CSNK2A2IP: variants seen among roughly 807,000 people sequenced by gnomAD.
The protein encoded by CSNK2A2IP is casein kinase 2 subunit alpha' interacting protein.
At chr3:88,384,378 A>AC in the CSNK2A2IP span, among the ~76,000 whole-genome samples, 37 of 132,342 alleles carry the variant, frequency 2.8e-4, no homozygotes, top group Non-Finnish European at 5.7e-4. Flanking sequence ...TAAAAAAAAA[A>AC]CAAAAAAACA....
At chr3:88,432,413 T>C in the CSNK2A2IP span, among the ~76,000 whole-genome samples, 1 of 151,822 alleles carries the variant, frequency 6.6e-6, no homozygotes, top group Non-Finnish European at 1.5e-5. Flanking sequence ...TGGCATAAAG[T>C]ATCTAATGTA....
the CSNK2A2IP span, among the ~76,000 whole-genome samples, chr3:88,340,665 TC>T: frequency 6.6e-6 from 1 of 151,966 alleles, no homozygotes; most frequent in Non-Finnish European, 1.5e-5. Context: ...TTTGGTGATT[TC>T]TTTGAGCTTT....
At chr3:88,445,275 C>CAA in the CSNK2A2IP span, among the ~76,000 whole-genome samples, 1,483 of 47,742 alleles carry the variant, frequency 0.031, 99 homozygotes, top group African/African-American at 0.1. Flanking sequence ...GTAAAAATAC[C>CAA]AAAAAAAAAA....
At chr3:88,442,610 T>A in the CSNK2A2IP span, among the ~76,000 whole-genome samples, 1 of 152,146 alleles carries the variant, frequency 6.6e-6, no homozygotes, top group Non-Finnish European at 1.5e-5. Context: ...TTTACAATTA[T>A]TTCTCAGAGC....
chr3:88,374,774 C>T, the CSNK2A2IP span, among the ~76,000 whole-genome samples: 2 of 151,660 alleles, frequency 1.3e-5, no homozygotes, highest in African/African-American at 4.8e-5. Context: ...TTCTAAAACA[C>T]ATGGGAATAC....
chr3:88,449,763 TCACGATTGTG>T, the CSNK2A2IP span, among the ~76,000 whole-genome samples: 1 of 136,402 alleles, frequency 7.3e-6, no homozygotes, highest in African/African-American at 2.7e-5. Context: ...TTTTTTCTCT[TCACGATTGTG>T]AAGAGAAAAA....
chr3:88,341,937 G>A, the CSNK2A2IP span, among the ~76,000 whole-genome samples: 1 of 151,730 alleles, frequency 6.6e-6, no homozygotes, highest in Non-Finnish European at 1.5e-5. Context: ...GATAAGCAGA[G>A]GATTATAGAA....
the CSNK2A2IP span, among the ~76,000 whole-genome samples, chr3:88,345,599 T>G: frequency 6.6e-6 from 1 of 151,872 alleles, no homozygotes. Flanking sequence ...GATCTGTGAT[T>G]AGGCCTCTTT....
chr3:88,433,681 C>T, the CSNK2A2IP span, among the ~76,000 whole-genome samples: 4 of 152,088 alleles, frequency 2.6e-5, no homozygotes, highest in South Asian at 2.1e-4. Context: ...ATAAAAGAGC[C>T]GTGGCTGCAG....
the CSNK2A2IP span, among the ~76,000 whole-genome samples, chr3:88,374,828 C>T: frequency 6.6e-6 from 1 of 151,570 alleles, no homozygotes; most frequent in Non-Finnish European, 1.5e-5. Flanking sequence ...AAAAGTAGAG[C>T]TAAAGTATAT....
chr3:88,363,511 G>C, the CSNK2A2IP span, among the ~76,000 whole-genome samples: 2 of 152,048 alleles, frequency 1.3e-5, no homozygotes, highest in African/African-American at 2.4e-5. Flanking sequence ...TTGGGGATCA[G>C]TTTCATTTTA....
At chr3:88,342,709 T>TAA in the CSNK2A2IP span, among the ~76,000 whole-genome samples, 1 of 147,982 alleles carries the variant, frequency 6.8e-6, no homozygotes, top group Non-Finnish European at 1.5e-5. Flanking sequence ...TGAGCAAGGT[T>TAA]AAAAAAAAAA....
the CSNK2A2IP span, among the ~76,000 whole-genome samples, chr3:88,357,611 G>A: frequency 6.6e-6 from 1 of 152,096 alleles, no homozygotes; most frequent in Admixed American, 6.5e-5. Context: ...TTTGATTTAT[G>A]TGAAGAACAT....
chr3:88,414,949 T>C, the CSNK2A2IP span, among the ~76,000 whole-genome samples: 2 of 151,892 alleles, frequency 1.3e-5, no homozygotes, highest in Non-Finnish European at 2.9e-5. Context: ...TGCTCAAAGA[T>C]TTCTAACTGG....
chr3:88,399,724 C>A, the CSNK2A2IP span: 1 of 152,156 alleles, frequency 6.6e-6, no homozygotes, highest in Non-Finnish European at 1.5e-5. Flanking sequence ...GCTGCCACTC[C>A]AACTACAATT....
At chr3:88,424,772 C>G in the CSNK2A2IP span, among the ~76,000 whole-genome samples, 1 of 150,786 alleles carries the variant, frequency 6.6e-6, no homozygotes, top group Non-Finnish European at 1.5e-5. Context: ...CCAGTTATGC[C>G]TTTATAAATT....
the CSNK2A2IP span, chr3:88,467,065 C>A: frequency 2.2e-6 from 2 of 915,066 alleles, no homozygotes; most frequent in Non-Finnish European, 2.9e-6. Context: ...TATCCAGGGA[C>A]TTAATATGAA....
Sources: gnomAD v4.1 joint callset for allele counts (sites outside exome capture counted in the v4.1 genomes callset) on GRCh38, gnomAD v4.1.1 for gene constraint, MANE v1.5 for transcripts, NCBI Gene and HGNC (gene_info 2026-07-23, HGNC 2026-07-21) for gene names.